The following ANKS1B variants were observed in gnomAD, a reference collection of about 807,000 sequenced individuals.
The protein encoded by ANKS1B is ankyrin repeat and sterile alpha motif domain-containing protein 1B.
Under a neutral mutation model 148.3 loss-of-function variants are expected in ANKS1B, and 36 were observed. The observed-to-expected ratio is 0.24, with a 90% confidence interval of 0.19 to 0.32. The LOEUF (loss-of-function observed/expected upper bound fraction) is 0.32. ANKS1B is among the 10% of genes least tolerant of loss of function. The pLI, the probability that ANKS1B is intolerant of heterozygous loss-of-function variation, is 1.00. For missense variants in ANKS1B, 1,157 were observed against 1,542.6 expected, an observed-to-expected ratio of 0.75 and a Z score of 4.19; for synonymous variants, 542 against 560.8, an observed-to-expected ratio of 0.97 and a Z score of 0.47.
At chr12:99,170,055 G>A (rs1241661545) in intron 14 of ANKS1B, among the ~76,000 whole-genome samples, 1 of 152,050 alleles carries the variant, frequency 6.6e-6, no homozygotes, top group Non-Finnish European at 1.5e-5. Context: ...CATTATTCTT[G>A]GCTTCTAATG....
chr12:99,936,192 C>T lies in ANKS1B; in HGVS notation c.134+47912G>A, dbSNP rs575066232. On this transcript the variant is annotated intron_variant, in intron 1 of 26. Coordinates refer to ENST00000683438, the MANE Select transcript of ANKS1B (RefSeq NM_001352186.2). ...TGAGATTTGGGTGGGGACATGGAGC[C>T]AAACCATATCAGGTGAGAATCTTGG... 8.5e-5 allele frequency among the ~76,000 whole-genome samples: 13 copies of T among 152,216 alleles called. No homozygotes were observed. In the South Asian group the frequency reaches 2.7e-3, roughly 32 times the overall value.
intron 12 of ANKS1B, among the ~76,000 whole-genome samples, chr12:99,320,693 T>C (rs940480169): frequency 4.6e-5 from 7 of 152,210 alleles, no homozygotes; most frequent in South Asian, 4.1e-4. Flanking sequence ...AGCCTTCTTC[T>C]CTCAACTCAT....
At chr12:98,987,092 A>G (rs1278897016) in intron 17 of ANKS1B, among the ~76,000 whole-genome samples, 4 of 152,002 alleles carry the variant, frequency 2.6e-5, no homozygotes, top group African/African-American at 9.7e-5. Flanking sequence ...GTATAAAAGT[A>G]TAGTAGAATG....
At chr12:99,005,275 G>A (rs2099935474) in intron 17 of ANKS1B, among the ~76,000 whole-genome samples, 1 of 152,188 alleles carries the variant, frequency 6.6e-6, no homozygotes, top group African/African-American at 2.4e-5. Flanking sequence ...TAGGAAGGGC[G>A]TCGCTGTTGT....
chr12:99,618,526 A>G (rs1448057425), intron 9 of ANKS1B, among the ~76,000 whole-genome samples: 3 of 152,094 alleles, frequency 2.0e-5, no homozygotes. Flanking sequence ...CTGGGAGGAG[A>G]ATGCTGGCCA....
intron 1 of ANKS1B, 134 bp from the exon 2 acceptor site, chr12:99,825,523 A>ATC (rs1488409494): frequency 2.4e-5 from 15 of 614,884 alleles, no homozygotes; most frequent in Admixed American, 1.7e-4. Context: ...AATGATTGCC[A>ATC]TCTTCTATGA....
chr12:99,421,869 C>A (rs753915407), intron 11 of ANKS1B, among the ~76,000 whole-genome samples: 1 of 152,084 alleles, frequency 6.6e-6, no homozygotes, highest in Admixed American at 6.5e-5. Context: ...GTGCTGTCCT[C>A]GTGGCAATGT....
chr12:98,899,036 C>T (rs1052401549), intron 17 of ANKS1B, among the ~76,000 whole-genome samples: 1 of 151,988 alleles, frequency 6.6e-6, no homozygotes, highest in Non-Finnish European at 1.5e-5. Context: ...CTCAAAAATC[C>T]AAAGATGGTG....
At chr12:99,621,188 A>G (rs558557867) in intron 9 of ANKS1B, among the ~76,000 whole-genome samples, 1 of 152,274 alleles carries the variant, frequency 6.6e-6, no homozygotes, top group East Asian at 1.9e-4. Context: ...TCTTCCAGAC[A>G]AGCAAGCACT....
intron 8 of ANKS1B, among the ~76,000 whole-genome samples, chr12:99,693,309 T>A (rs983814080): frequency 6.6e-6 from 1 of 152,168 alleles, no homozygotes; most frequent in Non-Finnish European, 1.5e-5. Context: ...AAAAGAACTG[T>A]TGGAGTACTG....
intron 17 of ANKS1B, among the ~76,000 whole-genome samples, chr12:99,050,806 C>T (rs1243115434): frequency 2.7e-5 from 4 of 150,756 alleles, no homozygotes; most frequent in Admixed American, 1.3e-4. Context: ...ATTCTCCTGC[C>T]TCAGCCTCCC....
intron 9 of ANKS1B, among the ~76,000 whole-genome samples, chr12:99,602,873 A>C (rs2097815951): frequency 1.3e-5 from 2 of 152,130 alleles, no homozygotes; most frequent in Admixed American, 6.6e-5. Flanking sequence ...AAAAACAATT[A>C]GTTAGAATCT....
At chr12:99,909,203 G>A (rs956493183) in intron 1 of ANKS1B, among the ~76,000 whole-genome samples, 5 of 148,954 alleles carry the variant, frequency 3.4e-5, no homozygotes, top group African/African-American at 1.2e-4. Context: ...TTTTAAGGCT[G>A]GACAATATTC....
chr12:98,980,212 T>C (rs2099907299), intron 17 of ANKS1B, among the ~76,000 whole-genome samples: 1 of 152,234 alleles, frequency 6.6e-6, no homozygotes, highest in Non-Finnish European at 1.5e-5. Context: ...GTTTGTTTGT[T>C]TGTTTTGAGA....
At chr12:99,055,721 T>TG (rs556077612) in intron 16 of ANKS1B, among the ~76,000 whole-genome samples, 10,630 of 59,028 alleles carry the variant, frequency 0.18, 664 homozygotes, top group South Asian at 0.32. Context: ...AGTCTAAACT[T>TG]GGGGGGGGGG....
chr12:99,558,039 C>T (rs2097295417), intron 9 of ANKS1B, among the ~76,000 whole-genome samples: 1 of 152,096 alleles, frequency 6.6e-6, no homozygotes, highest in Admixed American at 6.5e-5. Context: ...GGTGGAGGGG[C>T]CGAGGTATTC....
intron 22 of ANKS1B, among the ~76,000 whole-genome samples, chr12:98,789,350 A>C (rs889129108): frequency 1.3e-5 from 2 of 152,138 alleles, no homozygotes; most frequent in African/African-American, 4.8e-5. Context: ...AAAAACAAAA[A>C]CAAAAAACCT....
At chr12:98,900,373 G>A (rs907666015) in intron 17 of ANKS1B, among the ~76,000 whole-genome samples, 2 of 152,066 alleles carry the variant, frequency 1.3e-5, no homozygotes, top group Non-Finnish European at 2.9e-5. Context: ...AATTTGTTTT[G>A]TGCATTTTTA....
rs556652202 is a variant in ANKS1B, at chr12:99,724,912, C to T, written c.1128+48010G>A. Among the ~76,000 whole-genome samples the T allele has an allele frequency of 1.9e-4, 29 of 152,248 alleles. 1 individual carries two copies. Among genetic ancestry groups the T allele is most frequent in the South Asian group, 1.5e-3 (7 of 4,810 alleles). On this transcript the variant is annotated intron_variant, in intron 8 of 26. Coordinates refer to ENST00000683438, the MANE Select transcript of ANKS1B (RefSeq NM_001352186.2). ...TTTCATATCCAGCCAAACTAAGCTT[C>T]ATAAGCAAAGAAGAAATAAAATCCT...
Sources: allele counts gnomAD v4.1 joint callset (sites outside exome capture counted in the v4.1 genomes callset), GRCh38; gene constraint gnomAD v4.1.1; transcripts MANE v1.5; gene names NCBI Gene and HGNC (gene_info 2026-07-23, HGNC 2026-07-21).